The following AFG1L variants were observed in gnomAD, a reference collection of about 807,000 sequenced individuals.
AFG1L encodes the protein AFG1 like ATPase.
Under a neutral mutation model 62.2 loss-of-function variants are expected in AFG1L, and 53 were observed. The ratio of observed to expected loss-of-function variants is 0.85; its 90% CI spans 0.68 to 1.07. The LOEUF is 1.07. Ranked by LOEUF, AFG1L falls within the 50% of genes least tolerant of loss-of-function variation. AFG1L has a pLI of 0.00. For missense variants in AFG1L, 555 were observed against 590.5 expected (o/e 0.94, Z 0.62); for synonymous variants, 228 against 210.3 (o/e 1.08, Z -0.73).
At chr6:108,359,709 A>G (rs889656077) in intron 5 of AFG1L, 3 of 152,218 alleles carry the variant, frequency 2.0e-5, no homozygotes, top group Non-Finnish European at 4.4e-5. Context: ...GACCCTCTCT[A>G]TTGAATTTCA....
chr6:108,480,978 A>C (rs1311905712), intron 10 of AFG1L, among the ~76,000 whole-genome samples: 1 of 152,104 alleles, frequency 6.6e-6, no homozygotes, highest in African/African-American at 2.4e-5. Flanking sequence ...TGCCCAACTC[A>C]TGTGTGTTGG....
At chr6:108,457,212 ATGT>A (rs2114772050) in intron 8 of AFG1L, among the ~76,000 whole-genome samples, 1 of 152,094 alleles carries the variant, frequency 6.6e-6, no homozygotes, top group South Asian at 2.1e-4. Context: ...AAGTTAATCC[ATGT>A]TGTTTGCTTT....
At chr6:108,356,658 A>G in intron 4 of AFG1L, 32 bp from the exon 5 acceptor site, 1 of 1,512,670 alleles carries the variant, frequency 6.6e-7, no homozygotes, top group Non-Finnish European at 9.0e-7. Flanking sequence ...GTACTAATAT[A>G]TTTCATCTGT....
In AFG1L at chr6:108,523,908, T is replaced by C. The variant is rs1240346579; in HGVS notation, c.*1483T>C. The C allele has an allele frequency of 1.3e-5, 2 of 152,130 alleles. No individual in the cohort carries two copies. The highest frequency in any genetic ancestry group is 2.9e-5 in the Non-Finnish European group (2 of 68,016). 9.4% of individuals were successfully genotyped at this position (152,130 alleles called of 1,614,324 possible). ...GAGGTTACGTAATAGGGAGAAAGGATGGGAAATAACCACTTTGTGCTGGAT... is the reference window on the plus strand; with the variant it reads ...GAGGTTACGTAATAGGGAGAAAGGACGGGAAATAACCACTTTGTGCTGGAT... On this transcript the variant is annotated 3_prime_UTR_variant, in exon 13 of 13. Coordinates refer to ENST00000368977, the MANE Select transcript of AFG1L (RefSeq NM_145315.5).
intron 3 of AFG1L, among the ~76,000 whole-genome samples, chr6:108,353,998 T>G (rs1388158769): frequency 6.6e-6 from 1 of 152,186 alleles, no homozygotes; most frequent in Non-Finnish European, 1.5e-5. Context: ...TGCCTTTGGA[T>G]TCTAGTAATT....
chr6:108,344,639 G>A, intron 2 of AFG1L: 1 of 456,882 alleles, frequency 2.2e-6, no homozygotes, highest in Non-Finnish European at 4.5e-6. Context: ...GACCCTGAAA[G>A]CTAGGTTTTG....
At chr6:108,415,682 A>G (rs1317159701) in intron 7 of AFG1L, among the ~76,000 whole-genome samples, 1 of 152,208 alleles carries the variant, frequency 6.6e-6, no homozygotes, top group Admixed American at 6.5e-5. Flanking sequence ...AGGTTTCCCT[A>G]TTTAATAAAT....
chr6:108,297,791 G>A (rs1259293339), intron 1 of AFG1L, among the ~76,000 whole-genome samples: 1 of 150,854 alleles, frequency 6.6e-6, no homozygotes, highest in African/African-American at 2.4e-5. Context: ...GGAAGTCGAG[G>A]CTGCAGTGAG....
chr6:108,498,167 A>G lies in AFG1L; in HGVS notation c.1063-12045A>G, dbSNP rs540065871. Among the ~76,000 whole-genome samples the G allele has an allele frequency of 3.3e-5, 5 of 152,316 alleles. No homozygotes were observed. In the South Asian group the frequency reaches 1.0e-3, roughly 32 times the overall value. On this transcript the variant is annotated intron_variant, in intron 10 of 12. Transcript: ENST00000368977. ...AAGCATGCAAAGCCTCTTGAGACCT[A>G]AGTTCAGAACTTGAAAACTGTGACT...
intron 5 of AFG1L, among the ~76,000 whole-genome samples, chr6:108,365,556 T>G (rs1443934254): frequency 1.3e-5 from 2 of 149,286 alleles, no homozygotes; most frequent in Non-Finnish European, 3.0e-5. Flanking sequence ...CTGGCTGTGC[T>G]GGAAGTGACT....
intron 1 of AFG1L, among the ~76,000 whole-genome samples, chr6:108,300,506 A>G (rs192190316): frequency 1.0e-3 from 152 of 152,174 alleles, no homozygotes; most frequent in Non-Finnish European, 1.7e-3. Flanking sequence ...GAATTGGTAT[A>G]GTTTATTTTT....
At chr6:108,297,327 C>G (rs1776801084) in intron 1 of AFG1L, among the ~76,000 whole-genome samples, 1 of 151,774 alleles carries the variant, frequency 6.6e-6, no homozygotes, top group African/African-American at 2.4e-5. Flanking sequence ...AGGCTGGTCT[C>G]AAACTCCTGA....
chr6:108,505,846 G>A (rs1032531147), intron 10 of AFG1L, among the ~76,000 whole-genome samples: 3 of 152,154 alleles, frequency 2.0e-5, no homozygotes, highest in East Asian at 1.9e-4. Context: ...AGAGTATGAC[G>A]TTTAACCTAG....
chr6:108,336,991 A>G (rs1778498423), intron 2 of AFG1L, among the ~76,000 whole-genome samples: 1 of 152,234 alleles, frequency 6.6e-6, no homozygotes. Flanking sequence ...TGGCAGATTT[A>G]GCAAATAAAA....
At chr6:108,345,802 T>G (rs1458349805) in intron 2 of AFG1L, among the ~76,000 whole-genome samples, 1 of 152,164 alleles carries the variant, frequency 6.6e-6, no homozygotes, top group Non-Finnish European at 1.5e-5. Flanking sequence ...AAACTCCAGC[T>G]TGAGAGGTTT....
At chr6:108,497,520 C>A (rs1774020294) in intron 10 of AFG1L, among the ~76,000 whole-genome samples, 1 of 151,842 alleles carries the variant, frequency 6.6e-6, no homozygotes, top group South Asian at 2.1e-4. Context: ...TCTCTCCCTG[C>A]ATTTCTCTGC....
In AFG1L at chr6:108,473,867, T is replaced by G. The variant is rs564944833; in HGVS notation, c.891-2998T>G. 8.5e-5 allele frequency among the ~76,000 whole-genome samples: 13 copies of G among 152,266 alleles called. No homozygotes were observed. The Middle Eastern group carries it at 0.01, about 120-fold the overall frequency. Reference sequence around the variant, plus strand: ...AGCCACTATGCCCGGCCAGCTCACTTTTTAAAAATATATATTTTATTTTAA... The same window carrying G: ...AGCCACTATGCCCGGCCAGCTCACTGTTTAAAAATATATATTTTATTTTAA... On this transcript the variant is annotated intron_variant, in intron 8 of 12. Coordinates refer to ENST00000368977, the MANE Select transcript of AFG1L (RefSeq NM_145315.5).
intron 1 of AFG1L, among the ~76,000 whole-genome samples, chr6:108,314,396 C>CTTTT (rs779796652): frequency 7.1e-6 from 1 of 140,678 alleles, no homozygotes. Flanking sequence ...TCTGCTTCTT[C>CTTTT]TTTTTTTTTT....
intron 1 of AFG1L, among the ~76,000 whole-genome samples, chr6:108,296,337 A>T (rs1029781083): frequency 1.3e-5 from 2 of 152,224 alleles, no homozygotes; most frequent in African/African-American, 4.8e-5. Context: ...GCTGTGGATT[A>T]TAATATAAAT....
Sources: gnomAD v4.1 joint callset for allele counts (sites outside exome capture counted in the v4.1 genomes callset) on GRCh38, gnomAD v4.1.1 for gene constraint, MANE v1.5 for transcripts, NCBI Gene and HGNC (gene_info 2026-07-23, HGNC 2026-07-21) for gene names.